Variants in MORN1 observed in about 807,000 individuals in gnomAD.
The protein encoded by MORN1 is MORN repeat-containing protein 1.
MORN1 carries 67 observed loss-of-function variants against 61.9 expected under a neutral mutation model. The observed-to-expected ratio is 1.08, with a 90% CI of 0.89 to 1.33. MORN1 has a LOEUF of 1.33. Among genes scored for constraint, MORN1 ranks in the 40% most tolerant of loss-of-function variants. The pLI is 0.00. For synonymous variants in MORN1, 301 were observed against 292.0 expected, an observed-to-expected ratio of 1.03 and a Z score of -0.31; for missense variants, 752 against 691.2, an observed-to-expected ratio of 1.09 and a Z score of -0.99.
chr1:2,343,857 C>T (rs903780253), intron 10 of MORN1, among the ~76,000 whole-genome samples: 28 of 152,228 alleles, frequency 1.8e-4, no homozygotes, highest in Admixed American at 3.9e-4. Flanking sequence ...GAACAATCCA[C>T]GGCCCCATTC....
At chr1:2,355,255 G>A in intron 10 of MORN1, 1 of 1,421,478 alleles carries the variant, frequency 7.0e-7, no homozygotes, top group South Asian at 1.5e-5. Context: ...CTGAGGTGAA[G>A]GCAGACAAGG....
intron 3 of MORN1, 165 bp downstream of exon 3, chr1:2,388,074 C>A: frequency 1.7e-6 from 1 of 590,990 alleles, no homozygotes; most frequent in Non-Finnish European, 3.0e-6. Context: ...CAGCGGTGAC[C>A]ACAGAGCCTC....
At chr1:2,332,796 G>A in intron 12 of MORN1, 2 of 453,040 alleles carry the variant, frequency 4.4e-6, no homozygotes, top group South Asian at 3.1e-5. Flanking sequence ...AGGCTTTGGG[G>A]CTTGTGCGGA....
intron 10 of MORN1, among the ~76,000 whole-genome samples, chr1:2,349,503 T>C (rs1452510888): frequency 2.0e-5 from 3 of 152,222 alleles, no homozygotes; most frequent in Non-Finnish European, 2.9e-5. Context: ...GGAAGCAACA[T>C]GATATCTTTT....
chr1:2,358,761 A>G (rs1641830751), intron 8 of MORN1, 46 bp from the exon 9 acceptor site: 13 of 1,576,692 alleles, frequency 8.2e-6, no homozygotes, highest in East Asian at 7.0e-5. Context: ...AGGCACCCAG[A>G]AGCGGGGTGC....
At chr1:2,328,768 G>A (rs1641087490) in intron 12 of MORN1, among the ~76,000 whole-genome samples, 1 of 152,190 alleles carries the variant, frequency 6.6e-6, no homozygotes, top group African/African-American at 2.4e-5. Context: ...GGGTGCAGAC[G>A]CCAGCCCCAG....
At chr1:2,323,691 C>T (rs1380108642) in intron 13 of MORN1, 1 of 985,132 alleles carries the variant, frequency 1.0e-6, no homozygotes, top group African/African-American at 1.7e-5. Context: ...CCGCCCAGCC[C>T]AGGCCCACCA....
At chr1:2,383,262 A>C (rs1390557551) in intron 6 of MORN1, among the ~76,000 whole-genome samples, 1 of 151,800 alleles carries the variant, frequency 6.6e-6, no homozygotes, top group Non-Finnish European at 1.5e-5. Context: ...TTCTACTTTA[A>C]CTCCTATGGC....
In MORN1 at chr1:2,325,070, T is replaced by G. The variant is rs184275211; in HGVS notation, c.1251-927A>C. On this transcript the variant is annotated intron_variant, in intron 12 of 13. Coordinates refer to ENST00000378531, the MANE Select transcript of MORN1 (RefSeq NM_024848.3). The stretch of plus-strand genomic sequence containing the variant: ...TCCTCCCCGGGCAGTGAGATGCACT[T>G]CGGAAATACATCTTACTTTCTTCTT... Among the ~76,000 whole-genome samples, 158 of 138,714 alleles carry G rather than the reference T, an allele frequency of 1.1e-3. 1 individual carries two copies. The highest frequency in any genetic ancestry group is 4.3e-3 in the African/African-American group (156 of 36,298). The allele number at this position is 138,714 out of a possible 152,430, so 91.0% of individuals were successfully genotyped here.
chr1:2,385,320 A>G, intron 5 of MORN1: 2 of 524,758 alleles, frequency 3.8e-6, no homozygotes, highest in Non-Finnish European at 6.9e-6. Context: ...GCTACTCAAA[A>G]TGGGAAATGA....
chr1:2,391,155 G>A (rs1335762187), intron 1 of MORN1, among the ~76,000 whole-genome samples: 3 of 152,130 alleles, frequency 2.0e-5, no homozygotes, highest in East Asian at 3.9e-4. Context: ...GGCAACCCCA[G>A]GTCCCGCTGG....
At position 2,357,302 on chromosome 1, in the gene MORN1, G is replaced by T. The variant is rs879323405; in HGVS notation, c.1036+130C>A. The T allele has an allele frequency of 1.0e-6, 1 of 982,284 alleles. No homozygotes were observed. Among genetic ancestry groups the T allele is most frequent in the Non-Finnish European group, 1.5e-6 (1 of 675,206 alleles). 60.8% of individuals were successfully genotyped at this position (982,284 alleles called of 1,614,324 possible). ...CCCGGCCCTGCCTCCTTTCACCCACGCGTGATGACTGACCCTGGGTGCGGC... is the reference window on the plus strand; with the variant it reads ...CCCGGCCCTGCCTCCTTTCACCCACTCGTGATGACTGACCCTGGGTGCGGC... On this transcript the variant is annotated intron_variant, in intron 10 of 13. Transcript: ENST00000378531. This position sits in a 1 kb window ranked among gnomAD's most constrained non-coding sequence, Gnocchi z 6.3.
intron 7 of MORN1, among the ~76,000 whole-genome samples, chr1:2,373,530 G>C (rs924711527): frequency 6.6e-6 from 1 of 152,174 alleles, no homozygotes; most frequent in African/African-American, 2.4e-5. Context: ...TCTTTCCCTT[G>C]AGGTGAGGTC....
intron 10 of MORN1, among the ~76,000 whole-genome samples, chr1:2,348,586 C>T (rs1170386001): frequency 1.3e-5 from 2 of 152,164 alleles, no homozygotes; most frequent in Admixed American, 6.5e-5. Flanking sequence ...AGAGTGCACA[C>T]ACACGCATGC....
chr1:2,332,255 C>G (rs905838149), intron 12 of MORN1: 3 of 228,664 alleles, frequency 1.3e-5, no homozygotes, highest in South Asian at 5.4e-5. Flanking sequence ...AGAGGAGCTC[C>G]TGTTGTGCAG....
At chr1:2,335,603 G>T (rs1399920419) in intron 12 of MORN1, among the ~76,000 whole-genome samples, 2 of 152,136 alleles carry the variant, frequency 1.3e-5, no homozygotes, top group African/African-American at 4.8e-5. Context: ...TTTCCTGCAG[G>T]GTCTGTGCAC....
rs755894497 is a variant in MORN1, at chr1:2,385,132, G to A, written c.450-67C>T. ...CCGGGTGGTGGCAGTGACTCAGACC[G>A]GCTCCTCCCACCGGGCTCCGCAGGC... On this transcript the variant is annotated intron_variant, in intron 5 of 13. Coordinates refer to ENST00000378531, the MANE Select transcript of MORN1 (RefSeq NM_024848.3). 1.3e-5 allele frequency: 19 copies of A among 1,487,866 alleles called. No homozygotes were observed. The Admixed American group carries it at 1.8e-4, about 14-fold the overall frequency. 92.2% of individuals were successfully genotyped at this position (1,487,866 alleles called of 1,614,324 possible). A position where few individuals can be genotyped will look rare whatever the true frequency, so the allele number is the denominator to read the frequency against.
intron 12 of MORN1, among the ~76,000 whole-genome samples, chr1:2,326,939 G>C (rs1488776292): frequency 6.6e-6 from 1 of 152,258 alleles, no homozygotes; most frequent in Non-Finnish European, 1.5e-5. Context: ...CTGGACGTCT[G>C]AGGCCTGTGT....
intron 1 of MORN1, chr1:2,390,616 G>A (rs374741117): frequency 1.0e-6 from 1 of 985,448 alleles, no homozygotes; most frequent in Non-Finnish European, 1.2e-6. Context: ...TCGGGGAGGA[G>A]GGCAGGGGGT....
Sources: allele counts gnomAD v4.1 joint callset (sites outside exome capture counted in the v4.1 genomes callset), GRCh38; gene constraint gnomAD v4.1.1; non-coding constraint Gnocchi (gnomAD v3.1); transcripts MANE v1.5; gene names NCBI Gene and HGNC (gene_info 2026-07-23, HGNC 2026-07-21).